Variants in JMJD1C observed in about 807,000 individuals in gnomAD.
JMJD1C encodes the protein jumonji domain-containing protein 1C.
Under a neutral mutation model 245.3 loss-of-function variants are expected in JMJD1C, and 31 were observed. The ratio of observed to expected loss-of-function variants is 0.13; its 90% CI spans 0.09 to 0.17. The LOEUF is 0.17. Among genes scored for constraint, JMJD1C ranks in the 10% least tolerant of loss-of-function variants. The pLI is 1.00. For synonymous variants in JMJD1C, 1,057 were observed against 1,017.4 expected, an observed-to-expected ratio of 1.04 and a Z score of -0.74; for missense variants, 2,691 against 3,000.2, an observed-to-expected ratio of 0.90 and a Z score of 2.41.
At chr10:63,434,400 A>G (rs192178649) in intron 1 of JMJD1C, among the ~76,000 whole-genome samples, 20 of 152,324 alleles carry the variant, frequency 1.3e-4, no homozygotes, top group Non-Finnish European at 2.4e-4. Context: ...TTTCCAAACT[A>G]TCCTGCAAAG....
intron 1 of JMJD1C, among the ~76,000 whole-genome samples, chr10:63,432,278 C>T (rs1950803232): frequency 6.6e-6 from 1 of 152,220 alleles, no homozygotes; most frequent in South Asian, 2.1e-4. Context: ...TACAATGACT[C>T]AGCTAACTAG....
rs951366321 is a variant in JMJD1C, at chr10:63,465,962, C to A, written c.-300G>T. The A allele has an allele frequency of 2.3e-5, 12 of 510,784 alleles. No homozygotes were observed. Among genetic ancestry groups the A allele is most frequent in the African/African-American group, 2.3e-4 (12 of 51,770 alleles). 31.6% of individuals were successfully genotyped at this position (510,784 alleles called of 1,614,324 possible). The stretch of plus-strand genomic sequence containing the variant: ...CGAGGCAGCCCAGCCGCCGCCACCG[C>A]GCCGCGGCCAGTACTGCTCCGTCTC... On this transcript the variant is annotated 5_prime_UTR_variant, in exon 1 of 26. Coordinates refer to ENST00000399262, the MANE Select transcript of JMJD1C (RefSeq NM_032776.3).
intron 1 of JMJD1C, among the ~76,000 whole-genome samples, chr10:63,488,676 G>T (rs1954074310): frequency 6.6e-6 from 1 of 152,154 alleles, no homozygotes; most frequent in Non-Finnish European, 1.5e-5. Flanking sequence ...TGTTTTATAT[G>T]ACTTATATAC....
Position 63,204,892 on chromosome 10 carries a change from G to A in JMJD1C, c.5074+1703C>T, listed in dbSNP as rs886329319. 8.1e-6 allele frequency: 8 copies of A among 985,360 alleles called. No homozygotes were observed. The East Asian group carries it at 9.1e-4, about 112-fold the overall frequency. The allele number at this position is 985,360 out of a possible 1,614,324, so 61.0% of individuals were successfully genotyped here. A position where few individuals can be genotyped will look rare whatever the true frequency, so the allele number is the denominator to read the frequency against. The stretch of plus-strand genomic sequence containing the variant: ...TGGGAAAACCTCATTCAGTTAAAAG[G>A]CACAAATGGGAGCCTTCAAGCATCC... On this transcript the variant is annotated intron_variant, in intron 10 of 25. Coordinates refer to ENST00000399262, the MANE Select transcript of JMJD1C (RefSeq NM_032776.3).
At chr10:63,374,616 C>CA (rs1946574147) in intron 2 of JMJD1C, among the ~76,000 whole-genome samples, 1 of 152,106 alleles carries the variant, frequency 6.6e-6, no homozygotes, top group Admixed American at 6.6e-5. Flanking sequence ...TTTAAAAAAT[C>CA]AGAGATGCAG....
chr10:63,348,192 C>T (rs1944019078), intron 2 of JMJD1C, among the ~76,000 whole-genome samples: 1 of 114,262 alleles, frequency 8.8e-6, no homozygotes, highest in Admixed American at 9.3e-5. Context: ...GGGGACAGAG[C>T]GAGACTTCAT....
intron 1 of JMJD1C, chr10:63,382,757 A>T (rs1435472245): frequency 2.2e-6 from 1 of 455,820 alleles, no homozygotes; most frequent in Admixed American, 2.4e-5. Flanking sequence ...CTCATCACTT[A>T]TATTTTTATC....
intron 2 of JMJD1C, among the ~76,000 whole-genome samples, chr10:63,280,487 T>C (rs1482642304): frequency 6.6e-6 from 1 of 152,018 alleles, no homozygotes; most frequent in Non-Finnish European, 1.5e-5. Flanking sequence ...GAAGCGGAGG[T>C]TGCAGTGGGG....
At chr10:63,273,187 A>G (rs542133703) in intron 2 of JMJD1C, among the ~76,000 whole-genome samples, 5 of 152,218 alleles carry the variant, frequency 3.3e-5, no homozygotes, top group African/African-American at 1.2e-4. Flanking sequence ...AAATATTTAA[A>G]ATGGGCTTGA....
chr10:63,473,590 G>A (rs1953562192), intron 1 of JMJD1C, among the ~76,000 whole-genome samples: 1 of 152,172 alleles, frequency 6.6e-6, no homozygotes, highest in African/African-American at 2.4e-5. Context: ...TTATTGCATC[G>A]AAACTGGACT....
intron 2 of JMJD1C, among the ~76,000 whole-genome samples, chr10:63,361,182 G>A (rs1261766008): frequency 1.3e-5 from 2 of 152,212 alleles, no homozygotes; most frequent in East Asian, 3.9e-4. Context: ...CGGCACTTTG[G>A]GAGGACAAGC....
At chr10:63,388,805 T>C (rs538717452) in intron 1 of JMJD1C, among the ~76,000 whole-genome samples, 1 of 152,116 alleles carries the variant, frequency 6.6e-6, no homozygotes, top group South Asian at 2.1e-4. Flanking sequence ...ATCTCCCCTA[T>C]AAAGGTACAT....
intron 2 of JMJD1C, among the ~76,000 whole-genome samples, chr10:63,289,310 A>C (rs1858362451): frequency 1.3e-5 from 1 of 78,420 alleles, no homozygotes; most frequent in Non-Finnish European, 4.2e-5. Flanking sequence ...CAAATTTAAT[A>C]AGAGAAACAT....
intron 1 of JMJD1C, among the ~76,000 whole-genome samples, chr10:63,388,589 C>A (rs563352652): frequency 9.9e-5 from 15 of 152,148 alleles, no homozygotes; most frequent in African/African-American, 3.4e-4. Flanking sequence ...AGAAAAGCCT[C>A]AAACGATAGC....
chr10:63,184,612 G>A lies in JMJD1C; in HGVS notation c.6957C>T (p.Ala2319=), dbSNP rs777873564. Reference sequence around the variant, plus strand: ...GAAATGTGAATATATACCTACCATAGGCACTGCACAACCTGGGTCCTAGAT... The same window carrying A: ...GAAATGTGAATATATACCTACCATAAGCACTGCACAACCTGGGTCCTAGAT... ...RPDLGPRLCS[A]YGVVAAKDHD... The change falls in exon 21 of 26, where the codon GCC becomes GCT. Residue 2319 remains alanine (A), a synonymous_variant. Coordinates refer to ENST00000399262, the MANE Select transcript of JMJD1C (RefSeq NM_032776.3). 1 of 1,600,976 alleles carries A rather than the reference G, an allele frequency of 6.2e-7. No homozygotes were observed. Among genetic ancestry groups the A allele is most frequent in the African/African-American group, 1.4e-5 (1 of 73,830 alleles).
chr10:63,332,738 T>C (rs1942294059), intron 2 of JMJD1C, among the ~76,000 whole-genome samples: 3 of 152,238 alleles, frequency 2.0e-5, no homozygotes, highest in Admixed American at 1.3e-4. Context: ...TTTATTTTTA[T>C]AGGTTAAAGA....
intron 1 of JMJD1C, among the ~76,000 whole-genome samples, chr10:63,418,711 A>T (rs71508966): frequency 0.028 from 4,143 of 148,642 alleles, 88 homozygotes; most frequent in Middle Eastern, 0.046. Flanking sequence ...ACAAATAATT[A>T]AAATATCATG....
chr10:63,427,867 G>A, intron 1 of JMJD1C: 2 of 839,848 alleles, frequency 2.4e-6, no homozygotes, highest in Non-Finnish European at 2.1e-6. Flanking sequence ...GCAGGCAAAG[G>A]AGATGGCACT....
At chr10:63,414,771 G>A (rs980389939) in intron 1 of JMJD1C, among the ~76,000 whole-genome samples, 27 of 151,884 alleles carry the variant, frequency 1.8e-4, no homozygotes, top group Admixed American at 6.6e-5. Flanking sequence ...ACCGGTTGTG[G>A]TGGCAGGTGC....
Sources: allele counts gnomAD v4.1 joint callset (sites outside exome capture counted in the v4.1 genomes callset), GRCh38; gene constraint gnomAD v4.1.1; transcripts MANE v1.5; gene names NCBI Gene and HGNC (gene_info 2026-07-23, HGNC 2026-07-21).